AGBL1: variants seen among roughly 807,000 people sequenced by gnomAD.
AGBL1 encodes the protein AGBL carboxypeptidase 1.
Under a neutral mutation model 118.9 loss-of-function variants are expected in AGBL1, and 130 were observed. That is an observed-to-expected ratio of 1.09 (90% CI 0.95 to 1.26). AGBL1 has a LOEUF of 1.26. AGBL1 is among the 50% of genes most tolerant of loss of function. The pLI is 0.00. For synonymous variants in AGBL1, 555 were observed against 478.9 expected (o/e 1.16, Z -2.08); for missense variants, 1,584 against 1,298.1 (o/e 1.22, Z -3.38).
At chr15:86,846,435 A>G (rs747119027) in intron 22 of AGBL1, among the ~76,000 whole-genome samples, 1 of 152,150 alleles carries the variant, frequency 6.6e-6, no homozygotes, top group Admixed American at 6.5e-5. Context: ...GGCAGTGAAC[A>G]TTTTGGTTAC....
chr15:86,404,423 A>G (rs1195519305), intron 18 of AGBL1, among the ~76,000 whole-genome samples: 2 of 152,164 alleles, frequency 1.3e-5, no homozygotes, highest in African/African-American at 2.4e-5. Flanking sequence ...TCAACTCGCC[A>G]GGATCACCAG....
chr15:86,324,721 G>A (rs1326914735), intron 17 of AGBL1, among the ~76,000 whole-genome samples: 3 of 152,194 alleles, frequency 2.0e-5, no homozygotes, highest in African/African-American at 7.2e-5. Flanking sequence ...TAGTAATAAA[G>A]AATAAGGTAG....
chr15:86,947,846 T>C (rs79194638), intron 23 of AGBL1, among the ~76,000 whole-genome samples: 236 of 152,358 alleles, frequency 1.5e-3, no homozygotes, highest in African/African-American at 5.4e-3. Flanking sequence ...ACGTTGTTTT[T>C]TCCTTTAGAT....
intron 18 of AGBL1, among the ~76,000 whole-genome samples, chr15:86,439,752 A>G (rs1567260722): frequency 1.3e-5 from 2 of 152,132 alleles, no homozygotes; most frequent in Non-Finnish European, 2.9e-5. Flanking sequence ...CATTTACTTG[A>G]GGTGTTATGA....
At chr15:86,544,743 C>G (rs1198022460) in intron 19 of AGBL1, among the ~76,000 whole-genome samples, 2 of 152,110 alleles carry the variant, frequency 1.3e-5, no homozygotes, top group African/African-American at 2.4e-5. Context: ...TATTACAATT[C>G]AAGGTGAGAT....
intron 22 of AGBL1, among the ~76,000 whole-genome samples, chr15:86,679,389 G>C (rs2085909324): frequency 6.6e-6 from 1 of 151,898 alleles, no homozygotes; most frequent in Non-Finnish European, 1.5e-5. Context: ...CTAAGTGCTT[G>C]TTTTAGTTAT....
chr15:86,745,987 G>A (rs2077750913), intron 22 of AGBL1, among the ~76,000 whole-genome samples: 1 of 151,990 alleles, frequency 6.6e-6, no homozygotes, highest in South Asian at 2.1e-4. Context: ...ATTCTTTGAT[G>A]TGCTAAGAAG....
chr15:86,169,409 A>G (rs1034668608), intron 5 of AGBL1, among the ~76,000 whole-genome samples: 17 of 152,192 alleles, frequency 1.1e-4, no homozygotes, highest in Admixed American at 3.9e-4. Context: ...GACAGACTGG[A>G]AAACCTCATG....
intron 23 of AGBL1, among the ~76,000 whole-genome samples, chr15:86,938,139 C>G (rs1042826027): frequency 6.6e-6 from 1 of 152,102 alleles, no homozygotes; most frequent in African/African-American, 2.4e-5. Flanking sequence ...TAAGTGTGGT[C>G]CCTAATTTTC....
At chr15:86,195,429 T>C (rs1216871111) in intron 5 of AGBL1, among the ~76,000 whole-genome samples, 2 of 152,132 alleles carry the variant, frequency 1.3e-5, no homozygotes, top group African/African-American at 4.8e-5. Context: ...GGTTTGGTAG[T>C]TTTTATTGCA....
chr15:86,660,754 A>C (rs1214216575), intron 21 of AGBL1, among the ~76,000 whole-genome samples: 2 of 152,258 alleles, frequency 1.3e-5, no homozygotes, highest in East Asian at 3.9e-4. Flanking sequence ...GCTTTTGGTC[A>C]GATATTATCT....
intron 22 of AGBL1, among the ~76,000 whole-genome samples, chr15:86,691,525 A>G (rs2086171511): frequency 6.6e-6 from 1 of 152,284 alleles, no homozygotes; most frequent in African/African-American, 2.4e-5. Flanking sequence ...GGCAGATTAC[A>G]GGAAAGCCTT....
At chr15:86,380,527 C>T (rs956397383) in intron 17 of AGBL1, among the ~76,000 whole-genome samples, 22 of 128,398 alleles carry the variant, frequency 1.7e-4, no homozygotes, top group Non-Finnish European at 2.5e-4. Flanking sequence ...TTTTCTCCTC[C>T]GTCCCTTCCT....
intron 18 of AGBL1, among the ~76,000 whole-genome samples, chr15:86,410,834 A>ATAATATATATTATATAATAT (rs2081600645): frequency 9.4e-6 from 1 of 106,134 alleles, no homozygotes; most frequent in African/African-American, 4.2e-5. Context: ...ATATATATAT[A>ATAATATATATTATATAATAT]TATATATAAT....
chr15:86,698,210 AG>A (rs1233399358), intron 22 of AGBL1, among the ~76,000 whole-genome samples: 1 of 152,032 alleles, frequency 6.6e-6, no homozygotes, highest in African/African-American at 2.4e-5. Context: ...GATTGGTTAA[AG>A]TAGTCTTTAG....
intron 22 of AGBL1, among the ~76,000 whole-genome samples, chr15:86,830,863 A>G (rs2079095463): frequency 6.6e-6 from 1 of 152,178 alleles, no homozygotes; most frequent in Admixed American, 6.5e-5. Context: ...CTCATATAAC[A>G]ATGCTTCAGA....
rs143660103 is a variant in AGBL1 at position 86,234,379 on chromosome 15, C to T, written c.526+9428C>T. On this transcript the variant is annotated intron_variant, in intron 6 of 22. Transcript: ENST00000614907. The stretch of plus-strand genomic sequence containing the variant: ...CAGCCTGACCAATATGGTGAAATCC[C>T]GTCTCTACTAAAAATACAAAAATTA... 2.2e-4 allele frequency among the ~76,000 whole-genome samples: 34 copies of T among 151,814 alleles called. No homozygotes were observed. The East Asian group carries it at 5.4e-3, about 24-fold the overall frequency.
intron 5 of AGBL1, among the ~76,000 whole-genome samples, chr15:86,171,486 T>G (rs1490000930): frequency 6.6e-6 from 1 of 152,068 alleles, no homozygotes; most frequent in East Asian, 1.9e-4. Context: ...ACTAAAACAG[T>G]TAAGAGTTAC....
intron 21 of AGBL1, among the ~76,000 whole-genome samples, chr15:86,633,011 C>T (rs1295772599): frequency 6.6e-6 from 1 of 152,030 alleles, no homozygotes; most frequent in Non-Finnish European, 1.5e-5. Context: ...ACTTGATGAA[C>T]ATTGTGAAAT....
Sources: allele counts gnomAD v4.1 joint callset (sites outside exome capture counted in the v4.1 genomes callset), GRCh38; gene constraint gnomAD v4.1.1; transcripts MANE v1.5; gene names NCBI Gene and HGNC (gene_info 2026-07-23, HGNC 2026-07-21).